ADGRB3: variants seen among roughly 807,000 people sequenced by gnomAD.
ADGRB3 encodes brain-specific angiogenesis inhibitor 3.
ADGRB3 carries 37 observed loss-of-function variants against 193.4 expected under a neutral mutation model. The observed-to-expected ratio is 0.19, with a 90% CI of 0.15 to 0.25. The LOEUF (loss-of-function observed/expected upper bound fraction) is 0.25, where lower values mean the gene tolerates loss of function less well. Ranked by LOEUF, ADGRB3 falls within the 10% of genes least tolerant of loss-of-function variation. The probability of loss-of-function intolerance (pLI) is 1.00; values close to 1 mark genes in which losing one functional copy is unlikely to be tolerated. For synonymous variants in ADGRB3, 690 were observed against 644.2 expected, an observed-to-expected ratio of 1.07 and a Z score of -1.08; for missense variants, 1,637 against 1,852.9, an observed-to-expected ratio of 0.88 and a Z score of 2.14.
chr6:69,239,015 G>A, intron 19 of ADGRB3, 109 bp from the exon 20 acceptor site: 1 of 532,598 alleles, frequency 1.9e-6, no homozygotes, highest in Non-Finnish European at 3.3e-6. Flanking sequence ...AAATATTCCT[G>A]TGCTACAGTA....
intron 20 of ADGRB3, among the ~76,000 whole-genome samples, chr6:69,287,719 T>A (rs1561977490): frequency 6.6e-6 from 1 of 152,192 alleles, no homozygotes; most frequent in Admixed American, 6.5e-5. Flanking sequence ...ATTATACACA[T>A]CTTTTGAATA....
intron 3 of ADGRB3, among the ~76,000 whole-genome samples, chr6:68,703,457 A>G (rs1234559411): frequency 6.6e-6 from 1 of 152,134 alleles, no homozygotes; most frequent in Non-Finnish European, 1.5e-5. Flanking sequence ...ATATGTTTCT[A>G]TAATTTATAC....
intron 16 of ADGRB3, among the ~76,000 whole-genome samples, chr6:69,073,780 C>A (rs1230676676): frequency 6.6e-6 from 1 of 152,128 alleles, no homozygotes; most frequent in East Asian, 1.9e-4. Flanking sequence ...TGACTTTGGA[C>A]GTTAGTGGGC....
chr6:68,985,495 T>C (rs1769044271), intron 10 of ADGRB3, among the ~76,000 whole-genome samples: 1 of 152,182 alleles, frequency 6.6e-6, no homozygotes, highest in Admixed American at 6.5e-5. Flanking sequence ...TCTGGGCATA[T>C]GGGAGGATTG....
At chr6:68,950,383 T>C (rs1391776973) in intron 6 of ADGRB3, among the ~76,000 whole-genome samples, 4 of 152,158 alleles carry the variant, frequency 2.6e-5, no homozygotes, top group African/African-American at 4.8e-5. Flanking sequence ...GAAGAAATTA[T>C]GTATTCTAGT....
chr6:68,932,011 C>T (rs1377476756), intron 4 of ADGRB3, among the ~76,000 whole-genome samples: 1 of 152,048 alleles, frequency 6.6e-6, no homozygotes. Context: ...CAGGTTTAGG[C>T]AAATTTCCAA....
intron 3 of ADGRB3, among the ~76,000 whole-genome samples, chr6:68,671,597 G>GAATA (rs1319821856): frequency 6.6e-6 from 1 of 151,966 alleles, no homozygotes; most frequent in African/African-American, 2.4e-5. Flanking sequence ...TCTGTCCCAG[G>GAATA]AATAAATCCC....
intron 17 of ADGRB3, among the ~76,000 whole-genome samples, chr6:69,175,778 T>C (rs1366421007): frequency 6.6e-6 from 1 of 152,194 alleles, no homozygotes; most frequent in Admixed American, 6.5e-5. Context: ...GCAAGGAATG[T>C]TTTTTCCATT....
At chr6:68,899,381 A>G (rs1766329582) in intron 3 of ADGRB3, among the ~76,000 whole-genome samples, 1 of 151,472 alleles carries the variant, frequency 6.6e-6, no homozygotes, top group Non-Finnish European at 1.5e-5. Flanking sequence ...ATGCTGGTGC[A>G]CTGCACCCAC....
chr6:68,653,986 T>C (rs1161416472), intron 3 of ADGRB3, among the ~76,000 whole-genome samples: 1 of 152,024 alleles, frequency 6.6e-6, no homozygotes, highest in Non-Finnish European at 1.5e-5. Flanking sequence ...TGTTGGTCTA[T>C]AGGTTGGACA....
chr6:69,228,951 C>G (rs1255524180), intron 17 of ADGRB3, among the ~76,000 whole-genome samples: 1 of 152,146 alleles, frequency 6.6e-6, no homozygotes, highest in Non-Finnish European at 1.5e-5. Flanking sequence ...CCTGACTGCA[C>G]ACTAAAATCA....
At chr6:68,768,981 A>G (rs1766565393) in intron 3 of ADGRB3, among the ~76,000 whole-genome samples, 2 of 152,248 alleles carry the variant, frequency 1.3e-5, no homozygotes, top group South Asian at 4.1e-4. Context: ...AATCAAAGCC[A>G]CAATGAGATA....
intron 3 of ADGRB3, among the ~76,000 whole-genome samples, chr6:68,822,312 A>AT (rs1767762345): frequency 1.3e-5 from 2 of 151,996 alleles, no homozygotes; most frequent in African/African-American, 4.8e-5. Context: ...AAAATAGGAA[A>AT]TTAGGGTGAA....
intron 3 of ADGRB3, among the ~76,000 whole-genome samples, chr6:68,925,473 C>CAT (rs1352314274): frequency 4.6e-5 from 7 of 151,920 alleles, no homozygotes; most frequent in Non-Finnish European, 7.4e-5. Context: ...ACTTGCCTAC[C>CAT]ATACCTTAAG....
intron 17 of ADGRB3, among the ~76,000 whole-genome samples, chr6:69,192,553 T>C (rs1212367679): frequency 6.6e-6 from 1 of 152,168 alleles, no homozygotes; most frequent in South Asian, 2.1e-4. Context: ...ATATTAACCA[T>C]CACATTTTGT....
intron 19 of ADGRB3, among the ~76,000 whole-genome samples, chr6:69,238,224 G>C (rs528764608): frequency 6.6e-6 from 1 of 152,114 alleles, no homozygotes; most frequent in East Asian, 1.9e-4. Flanking sequence ...GTGATTCCAC[G>C]TTATAATACA....
Position 68,968,551 on chromosome 6 carries a change from A to T in ADGRB3, c.1526-6212A>T, listed in dbSNP as rs572153573. ...AAGCATTGAAAACCAAAAAGATAGT[A>T]CAAGTGAAGCAAAAGTGAAAGATTA... is the stretch of plus-strand genomic sequence containing the variant. On this transcript the variant is annotated intron_variant, in intron 8 of 31. Coordinates refer to ENST00000370598, the MANE Select transcript of ADGRB3 (RefSeq NM_001704.3). Among the ~76,000 whole-genome samples the T allele has an allele frequency of 1.6e-4, 24 of 152,342 alleles. No homozygotes were observed. The East Asian group carries it at 3.7e-3, about 23-fold the overall frequency.
At chr6:69,320,171 G>A (rs117215066) in intron 20 of ADGRB3, among the ~76,000 whole-genome samples, 3,888 of 151,296 alleles carry the variant, frequency 0.026, 66 homozygotes, top group Non-Finnish European at 0.035. Context: ...TAAAAAAGAG[G>A]TTTAGAATAC....
chr6:68,721,153 G>A (rs1765568955), intron 3 of ADGRB3, among the ~76,000 whole-genome samples: 1 of 151,782 alleles, frequency 6.6e-6, no homozygotes, highest in Non-Finnish European at 1.5e-5. Flanking sequence ...TATAAATCAT[G>A]CTGCTGTAAA....
Sources: allele counts gnomAD v4.1 joint callset (sites outside exome capture counted in the v4.1 genomes callset), GRCh38; gene constraint gnomAD v4.1.1; transcripts MANE v1.5; gene names NCBI Gene and HGNC (gene_info 2026-07-23, HGNC 2026-07-21).